The following DDR1 variants were observed in gnomAD, a reference collection of about 807,000 sequenced individuals.
DDR1 encodes the protein epithelial discoidin domain-containing receptor 1.
A neutral mutation model predicts 97.4 loss-of-function variants in DDR1; 64 were observed. The ratio of observed to expected loss-of-function variants is 0.66; its 90% CI spans 0.54 to 0.81. The LOEUF is 0.81. Among genes scored for constraint, DDR1 ranks in the 30% least tolerant of loss-of-function variants. The pLI, the probability that DDR1 is intolerant of heterozygous loss-of-function variation, is 0.00. For missense variants in DDR1, 990 were observed against 1,259.6 expected, an observed-to-expected ratio of 0.79 and a Z score of 3.24; for synonymous variants, 458 against 503.7, an observed-to-expected ratio of 0.91 and a Z score of 1.21.
chr6:30,885,135 C>G (rs775566198), intron 1 of DDR1: 6 of 1,467,456 alleles, frequency 4.1e-6, no homozygotes, highest in Non-Finnish European at 5.5e-6. Context: ...TGGTCACAGT[C>G]CAGCAAAAAG....
rs1477598528 is a variant in DDR1 at position 30,899,379 on chromosome 6, C to G, written c.*83C>G. ...AAAACAAGAGGACACAATGGCACCT[C>G]TGCCCTTCCCCTCCCGACAGCCCAT... On this transcript the variant is annotated 3_prime_UTR_variant, in exon 18 of 18. Coordinates refer to ENST00000376568, the MANE Select transcript of DDR1 (RefSeq NM_001297654.2). 1.3e-6 allele frequency: 2 copies of G among 1,512,118 alleles called. No individual in the cohort carries two copies. Among genetic ancestry groups the G allele is most frequent in the Non-Finnish European group, 1.8e-6 (2 of 1,124,296 alleles). 93.7% of individuals were successfully genotyped at this position (1,512,118 alleles called of 1,614,324 possible).
rs750667920 is a variant in DDR1 at position 30,891,398 on chromosome 6, C to T, written c.584C>T (p.Thr195Ile). The T allele has an allele frequency of 6.2e-6, 10 of 1,612,754 alleles. No individual in the cohort carries two copies. Among genetic ancestry groups the T allele is most frequent in the Middle Eastern group, 1.6e-4 (1 of 6,080 alleles). Residue 195 changes from threonine to isoleucine, a missense_variant, in exon 6 of 18, where the codon ACC becomes ATC. By Grantham distance (89) the Thr-to-Ile change is moderately conservative. Transcript: ENST00000376568. The surrounding 1 kb of genome is among the most constrained non-coding windows in gnomAD (Gnocchi z 5.3). The part of the protein sequence containing the change: ...CLWRDGLLSY[T>I]APVGQTMYLS... ...GCCCCAGATGGACTCCTGTCTTACA[C>T]CGCCCCTGTGGGGCAGACAATGTAT...
chr6:30,892,612 G>T, intron 8 of DDR1, 70 bp downstream of exon 8: 2 of 1,496,490 alleles, frequency 1.3e-6, no homozygotes, highest in Non-Finnish European at 8.9e-7. Context: ...ACCCTGCAGT[G>T]TCCCTAAAAT....
rs138387851 is a variant in DDR1 at position 30,898,107 on chromosome 6, G to A, written c.2251G>A (p.Ala751Thr). 7 of 1,614,110 alleles carry A rather than the reference G, an allele frequency of 4.3e-6. No homozygotes were observed. Among genetic ancestry groups the A allele is most frequent in the South Asian group, 1.1e-5 (1 of 91,092 alleles). ...GCTGCTGCATGTGGCAGCCCAGATCGCCTCCGGCATGCGCTATCTGGCCAC... is the reference window on the plus strand; with the variant it reads ...GCTGCTGCATGTGGCAGCCCAGATCACCTCCGGCATGCGCTATCTGGCCAC... ...PMLLHVAAQI[A>T]SGMRYLATLN... Residue 751 changes from alanine to threonine, a missense_variant, in exon 16 of 18, where the codon GCC becomes ACC. By Grantham distance (58) the Ala-to-Thr change is moderately conservative. Coordinates refer to ENST00000376568, the MANE Select transcript of DDR1 (RefSeq NM_001297654.2).
rs1383523258 is a variant in DDR1, at chr6:30,886,396, C to G, written c.-43+1686C>G. Among the ~76,000 whole-genome samples, 1 of 152,150 alleles carries G rather than the reference C, an allele frequency of 6.6e-6. No homozygotes were observed. The highest frequency in any genetic ancestry group is 1.5e-5 in the Non-Finnish European group (1 of 68,018). ...GCAGCCTGCTCCCCGGCGCTGGACC[C>G]TAAGGGACCAGGCGTGATGCCTTCT... On this transcript the variant is annotated intron_variant, in intron 1 of 17. Transcript: ENST00000376568. The surrounding 1 kb of genome is among the most constrained non-coding windows in gnomAD (Gnocchi z 4.6).
Position 30,888,562 on chromosome 6 carries a change from GT to G in DDR1, c.-42-124del. On this transcript the variant is annotated intron_variant, in intron 1 of 17. Coordinates refer to ENST00000376568, the MANE Select transcript of DDR1 (RefSeq NM_001297654.2). This position sits in a 1 kb window ranked among gnomAD's most constrained non-coding sequence, Gnocchi z 4.2. ...GCATTCTAAAAATATAGCTGATGCT[GT>G]TAAACAATGACTGTTGTTGTTGTTT... 1 of 1,111,432 alleles carries G rather than the reference GT, an allele frequency of 9.0e-7. No homozygotes were observed. The highest frequency in any genetic ancestry group is 1.3e-6 in the Non-Finnish European group (1 of 791,850). 68.8% of individuals were successfully genotyped at this position (1,111,432 alleles called of 1,614,324 possible). A position where few individuals can be genotyped will look rare whatever the true frequency, so the allele number is the denominator to read the frequency against.
intron 1 of DDR1, among the ~76,000 whole-genome samples, chr6:30,887,705 G>A (rs981872500): frequency 3.9e-5 from 6 of 152,020 alleles, no homozygotes; most frequent in Non-Finnish European, 7.4e-5. Context: ...ATATCTTACA[G>A]ATTTATGTCT....
chr6:30,891,896 G>A lies in DDR1; in HGVS notation c.666-106G>A. 2.4e-6 allele frequency: 3 copies of A among 1,269,134 alleles called. No homozygotes were observed. Among genetic ancestry groups the A allele is most frequent in the Non-Finnish European group, 3.4e-6 (3 of 886,418 alleles). 78.6% of individuals were successfully genotyped at this position (1,269,134 alleles called of 1,614,324 possible). On this transcript the variant is annotated intron_variant, in intron 6 of 17. Transcript: ENST00000376568. The surrounding 1 kb of genome is among the most constrained non-coding windows in gnomAD (Gnocchi z 5.3). ...ATGGGAATGGGACTAGTGGATGGGAGCCAGGCTGGCCATGCCACTGTGCCG... is the reference window on the plus strand; with the variant it reads ...ATGGGAATGGGACTAGTGGATGGGAACCAGGCTGGCCATGCCACTGTGCCG...
intron 10 of DDR1, among the ~76,000 whole-genome samples, chr6:30,893,643 G>A (rs143266978): frequency 9.2e-5 from 14 of 152,390 alleles, no homozygotes; most frequent in African/African-American, 3.4e-4. Flanking sequence ...CCACGACCCA[G>A]AGGAGAGAGC....
chr6:30,888,922 G>GC lies in DDR1; in HGVS notation c.103dup (p.Leu35ProfsTer12). The GC allele has an allele frequency of 6.2e-7, 1 of 1,613,016 alleles. No homozygotes were observed. The highest frequency in any genetic ancestry group is 2.2e-5 in the East Asian group (1 of 44,888). ...TTTTTACTCAGCCAAGTGCCGCTATGCCCTGGGCATGCAGGACCGGACCAT... is the reference window on the plus strand; with the variant it reads ...TTTTTACTCAGCCAAGTGCCGCTATGCCCCTGGGCATGCAGGACCGGACCAT... On this transcript the variant is annotated frameshift_variant, in exon 3 of 18. Coordinates refer to ENST00000376568, the MANE Select transcript of DDR1 (RefSeq NM_001297654.2). LOFTEE classifies it high-confidence loss of function. This position sits in a 1 kb window ranked among gnomAD's most constrained non-coding sequence, Gnocchi z 4.2.
Position 30,899,651 on chromosome 6 carries a change from C to T in DDR1, c.*355C>T, listed in dbSNP as rs963705442. The T allele has an allele frequency of 1.0e-5, 4 of 389,842 alleles. No homozygotes were observed. Among genetic ancestry groups the T allele is most frequent in the Non-Finnish European group, 4.7e-6 (1 of 214,888 alleles). 24.1% of individuals were successfully genotyped at this position (389,842 alleles called of 1,614,324 possible). A position where few individuals can be genotyped will look rare whatever the true frequency, so the allele number is the denominator to read the frequency against. On this transcript the variant is annotated 3_prime_UTR_variant, in exon 18 of 18. Coordinates refer to ENST00000376568, the MANE Select transcript of DDR1 (RefSeq NM_001297654.2). ...ATGGCCCATTGGAGCACCTGGGCCC[C>T]ACTGGACAACACTGATTCCTGGAGA...
At position 30,889,214 on chromosome 6, in the gene DDR1, T is replaced by G; in HGVS notation, c.201T>G (p.Ser67Arg). 2 of 1,613,040 alleles carry G rather than the reference T, an allele frequency of 1.2e-6. No individual in the cohort carries two copies. Among genetic ancestry groups the G allele is most frequent in the Non-Finnish European group, 1.7e-6 (2 of 1,180,014 alleles). Residue 67 changes from serine (S) to arginine (R), a missense_variant, in exon 4 of 18, where the codon AGT becomes AGG. By Grantham distance (110) the Ser-to-Arg change is moderately radical. Coordinates refer to ENST00000376568, the MANE Select transcript of DDR1 (RefSeq NM_001297654.2). This position sits in a 1 kb window ranked among gnomAD's most constrained non-coding sequence, Gnocchi z 4.9. The part of the protein sequence containing the change: ...TAARHSRLES[S>R]DGDGAWCPAG... Reference sequence around the variant, plus strand: ...TCTTCACCCTCAGGTTGGAGAGCAGTGACGGGGATGGGGCCTGGTGCCCCG... The same window carrying G: ...TCTTCACCCTCAGGTTGGAGAGCAGGGACGGGGATGGGGCCTGGTGCCCCG...
Position 30,890,016 on chromosome 6 carries a change from C to T in DDR1, c.417+586C>T, listed in dbSNP as rs1325012892. ...CTCCACCTCTACTGCCCTAGGCCAC[C>T]TGCCCGCCATCTCCAGCTTAGATGA... On this transcript the variant is annotated intron_variant, in intron 4 of 17. Transcript: ENST00000376568. This position sits in a 1 kb window ranked among gnomAD's most constrained non-coding sequence, Gnocchi z 5.0. Among the ~76,000 whole-genome samples the T allele has an allele frequency of 6.6e-6, 1 of 152,220 alleles. No homozygotes were observed. The highest frequency in any genetic ancestry group is 2.4e-5 in the African/African-American group (1 of 41,440).
At chr6:30,892,718 T>A (rs1303521876) in intron 8 of DDR1, 176 bp downstream of exon 8, 7 of 777,536 alleles carry the variant, frequency 9.0e-6, no homozygotes, top group Non-Finnish European at 1.4e-5. Context: ...TCTTGTTCTC[T>A]GCGTATCCAT....
chr6:30,889,336 G>A lies in DDR1; in HGVS notation c.323G>A (p.Gly108Glu), dbSNP rs1401518399. 3 of 1,612,382 alleles carry A rather than the reference G, an allele frequency of 1.9e-6. No individual in the cohort carries two copies. The highest frequency in any genetic ancestry group is 8.5e-7 in the Non-Finnish European group (1 of 1,179,706). The change falls in exon 4 of 18, where the codon GGG becomes GAG. Residue 108 changes from glycine to glutamate, a missense_variant. Coordinates refer to ENST00000376568, the MANE Select transcript of DDR1 (RefSeq NM_001297654.2). The surrounding 1 kb of genome is among the most constrained non-coding windows in gnomAD (Gnocchi z 4.9). ...GTGGGCACCCAGGGACGGCATGCCG[G>A]GGGCCTGGGCAAGGAGTTCTCCCGG... ...ALVGTQGRHA[G>E]GLGKEFSRSY...
At position 30,899,342 on chromosome 6, in the gene DDR1, G is replaced by A. The variant is rs202127593; in HGVS notation, c.*46G>A. The A allele has an allele frequency of 8.8e-4, 1,375 of 1,568,720 alleles. 1 individual carries two copies. The highest frequency in any genetic ancestry group is 1.1e-3 in the Non-Finnish European group (1,234 of 1,155,584). ...TCCCTCAGGGAGCGATCCAGGGGAA[G>A]CCAGTGACACTAAAACAAGAGGACA... On this transcript the variant is annotated 3_prime_UTR_variant, in exon 18 of 18. Coordinates refer to ENST00000376568, the MANE Select transcript of DDR1 (RefSeq NM_001297654.2).
At chr6:30,887,851 C>A (rs1345788183) in intron 1 of DDR1, among the ~76,000 whole-genome samples, 2 of 152,134 alleles carry the variant, frequency 1.3e-5, no homozygotes, top group East Asian at 3.8e-4. Context: ...CCTCCCATCT[C>A]GGCCTCCCAA....
intron 1 of DDR1, among the ~76,000 whole-genome samples, chr6:30,887,337 T>C (rs929040235): frequency 6.6e-6 from 1 of 152,272 alleles, no homozygotes; most frequent in African/African-American, 2.4e-5. Flanking sequence ...CATAAATGCA[T>C]TTATGTTACA....
Position 30,895,026 on chromosome 6 carries a change from C to T in DDR1, c.1513+355C>T, listed in dbSNP as rs1385258061. 2.0e-5 allele frequency among the ~76,000 whole-genome samples: 3 copies of T among 152,134 alleles called. No individual in the cohort carries two copies. The East Asian group carries it at 5.8e-4, about 29-fold the overall frequency. On this transcript the variant is annotated intron_variant, in intron 11 of 17. Transcript: ENST00000376568. ...ACCCATCCTTCCATCCATAGTCATACATCCTTGCATCCATCCATCAATCTT... is the reference window on the plus strand; with the variant it reads ...ACCCATCCTTCCATCCATAGTCATATATCCTTGCATCCATCCATCAATCTT...
Sources: allele counts gnomAD v4.1 joint callset (sites outside exome capture counted in the v4.1 genomes callset), GRCh38; gene constraint gnomAD v4.1.1; non-coding constraint Gnocchi (gnomAD v3.1); transcripts MANE v1.5; gene names NCBI Gene and HGNC (gene_info 2026-07-23, HGNC 2026-07-21).